DCLRE1A: variants seen among roughly 807,000 people sequenced by gnomAD.
The protein encoded by DCLRE1A is DNA cross-link repair 1A protein.
A neutral mutation model predicts 91.9 loss-of-function variants in DCLRE1A; 64 were observed. That is an observed-to-expected ratio of 0.70 (90% CI 0.57 to 0.86). The LOEUF (loss-of-function observed/expected upper bound fraction) is 0.86, where lower values mean the gene tolerates loss of function less well. Ranked by LOEUF, DCLRE1A falls within the 40% of genes least tolerant of loss-of-function variation. DCLRE1A has a pLI of 0.00. For missense variants in DCLRE1A, 1,145 were observed against 1,213.3 expected, an observed-to-expected ratio of 0.94 and a Z score of 0.84; for synonymous variants, 416 against 431.1, an observed-to-expected ratio of 0.96 and a Z score of 0.43.
chr10:113,844,265 A>C, intron 4 of DCLRE1A, 21 bp from the exon 5 acceptor site: 1 of 1,613,320 alleles, frequency 6.2e-7, no homozygotes, highest in East Asian at 2.2e-5. Context: ...ATGTCAAAGG[A>C]ATGTTCATAA....
chr10:113,848,096 G>C (rs992166139), intron 2 of DCLRE1A, among the ~76,000 whole-genome samples: 1 of 152,106 alleles, frequency 6.6e-6, no homozygotes, highest in African/African-American at 2.4e-5. Context: ...GGCGGATCAC[G>C]AAGTCAGGAG....
rs780936230 is a variant in DCLRE1A at position 113,849,053 on chromosome 10, G to C, written c.2052C>G (p.Asn684Lys). 4 of 1,613,848 alleles carry C rather than the reference G, an allele frequency of 2.5e-6. No individual in the cohort carries two copies. Among genetic ancestry groups the C allele is most frequent in the East Asian group, 4.5e-5 (2 of 44,878 alleles). ...KSAHGGLQRGNKKIPESSNVG... is the reference protein window; with the variant it reads ...KSAHGGLQRGKKKIPESSNVG... ...CATTAGATGACTCTGGGATTTTCTT[G>C]TTGCCCCTTTGCAGCCCACCATGAG... Residue 684 changes from asparagine (N) to lysine (K), a missense_variant, in exon 2 of 9, where the codon AAC becomes AAG. Coordinates refer to ENST00000361384, the MANE Select transcript of DCLRE1A (RefSeq NM_014881.5).
intron 5 of DCLRE1A, among the ~76,000 whole-genome samples, chr10:113,843,796 G>A (rs1375465908): frequency 6.6e-6 from 1 of 152,170 alleles, no homozygotes; most frequent in African/African-American, 2.4e-5. Flanking sequence ...CAGTTACTCT[G>A]AAAGGACAAC....
At chr10:113,835,432 A>G (rs1845346795) in intron 8 of DCLRE1A, 120 bp from the exon 9 acceptor site, 1 of 984,596 alleles carries the variant, frequency 1.0e-6, no homozygotes, top group Non-Finnish European at 1.4e-6. Context: ...TTTGTCAAAA[A>G]CCCCTCAGTG....
chr10:113,849,230 T>C lies in DCLRE1A; in HGVS notation c.1875A>G (p.Glu625=). 1 of 1,614,150 alleles carries C rather than the reference T, an allele frequency of 6.2e-7. No homozygotes were observed. Among genetic ancestry groups the C allele is most frequent in the South Asian group, 1.1e-5 (1 of 91,068 alleles). The change falls in exon 2 of 9, where the codon GAA becomes GAG. Residue 625 remains glutamate (E), a synonymous_variant. Transcript: ENST00000361384. ...GACGCTGTGACCTCTCACTAGAAAG[T>C]TCCACAGAAAGCTGACTCTCATGTA... The part of the protein sequence containing the change: ...STLHESQLSV[E]LSSERSQRQK...
Position 113,840,596 on chromosome 10 carries a change from G to A in DCLRE1A, c.2820+810C>T, listed in dbSNP as rs571056582. ...TTAAAACATAAAAATCCTCATCTCT[G>A]ATGGCTAACAGACAAGCAACCCTCC... is the stretch of plus-strand genomic sequence containing the variant. On this transcript the variant is annotated intron_variant, in intron 7 of 8. Coordinates refer to ENST00000361384, the MANE Select transcript of DCLRE1A (RefSeq NM_014881.5). Among the ~76,000 whole-genome samples the A allele has an allele frequency of 1.2e-4, 18 of 152,204 alleles. No individual in the cohort carries two copies. In the South Asian group the frequency reaches 3.7e-3, roughly 32 times the overall value.
Position 113,849,732 on chromosome 10 carries a change from A to G in DCLRE1A, c.1373T>C (p.Leu458Pro). The change falls in exon 2 of 9, where the codon CTT becomes CCT. Residue 458 changes from leucine (L) to proline (P), a missense_variant. Leu to Pro is a moderately conservative substitution (Grantham distance 98). Coordinates refer to ENST00000361384, the MANE Select transcript of DCLRE1A (RefSeq NM_014881.5). ...CAACATTAAACTCTTAACTAACGGA[A>G]GAGAAACTTGATTGTAAACAGATGA... is the stretch of plus-strand genomic sequence containing the variant. ...EESSVYNQVS[L>P]PLVKSLMLKP... 6.2e-7 allele frequency: 1 copy of G among 1,614,184 alleles called. No individual in the cohort carries two copies. Among genetic ancestry groups the G allele is most frequent in the South Asian group, 1.1e-5 (1 of 91,080 alleles).
chr10:113,836,939 A>G (rs1266989829), intron 8 of DCLRE1A, 123 bp downstream of exon 8: 2 of 871,428 alleles, frequency 2.3e-6, no homozygotes. Context: ...TAGAGAGATG[A>G]AAACTCTTGA....
At chr10:113,843,621 C>T (rs1241689880) in intron 5 of DCLRE1A, among the ~76,000 whole-genome samples, 1 of 152,176 alleles carries the variant, frequency 6.6e-6, no homozygotes, top group African/African-American at 2.4e-5. Context: ...GAAATACATA[C>T]ACAGTTAAAA....
intron 4 of DCLRE1A, among the ~76,000 whole-genome samples, chr10:113,845,090 C>G (rs1845511355): frequency 6.6e-6 from 1 of 151,924 alleles, no homozygotes; most frequent in Non-Finnish European, 1.5e-5. Flanking sequence ...TCTATGACCT[C>G]TATGTTACAG....
rs559239133 is a variant in DCLRE1A, at chr10:113,840,526, T to A, written c.2820+880A>T. Among the ~76,000 whole-genome samples, 20 of 152,166 alleles carry A rather than the reference T, an allele frequency of 1.3e-4. No individual in the cohort carries two copies. In the South Asian group the frequency reaches 3.9e-3, roughly 30 times the overall value. ...CTATTTTTCAGATCTTGCTCAGAAA[T>A]CTTACTTCATCAATTATTCTCTTAT... On this transcript the variant is annotated intron_variant, in intron 7 of 8. Coordinates refer to ENST00000361384, the MANE Select transcript of DCLRE1A (RefSeq NM_014881.5).
Position 113,844,139 on chromosome 10 carries a change from C to A in DCLRE1A, c.2484G>T (p.Ala828=). ...AGTACAGCATATGGACTTTCTGGTC[C>A]GCAAGAAGAGAACGTTCCATGCTGG... ...ADPSMERSLL[A]DQKVHMLYLD... The change falls in exon 5 of 9, where the codon GCG becomes GCT. Residue 828 remains alanine (A), a synonymous_variant. Transcript: ENST00000361384. 1 of 1,614,116 alleles carries A rather than the reference C, an allele frequency of 6.2e-7. No individual in the cohort carries two copies.
intron 4 of DCLRE1A, 73 bp from the exon 5 acceptor site, chr10:113,844,317 A>C: frequency 1.3e-6 from 2 of 1,571,516 alleles, no homozygotes; most frequent in Non-Finnish European, 1.7e-6. Context: ...TTTCAATATC[A>C]ACAAGTTAGC....
chr10:113,852,418 T>C (rs891904525), intron 1 of DCLRE1A, among the ~76,000 whole-genome samples: 20 of 152,228 alleles, frequency 1.3e-4, no homozygotes, highest in African/African-American at 4.3e-4. Flanking sequence ...CTACCTTATA[T>C]GGTGATTGTG....
At position 113,849,730 on chromosome 10, in the gene DCLRE1A, G is replaced by T; in HGVS notation, c.1375C>A (p.Pro459Thr). Residue 459 changes from proline to threonine, a missense_variant, in exon 2 of 9, where the codon CCG becomes ACG. By Grantham distance (38) the Pro-to-Thr change is conservative (BLOSUM62 -1). Transcript: ENST00000361384. ...ESSVYNQVSLPLVKSLMLKPF... is the reference protein window; with the variant it reads ...ESSVYNQVSLTLVKSLMLKPF... ...TTCAACATTAAACTCTTAACTAACG[G>T]AAGAGAAACTTGATTGTAAACAGAT... 2 of 1,614,118 alleles carry T rather than the reference G, an allele frequency of 1.2e-6. No individual in the cohort carries two copies. Among genetic ancestry groups the T allele is most frequent in the Non-Finnish European group, 1.7e-6 (2 of 1,180,032 alleles).
chr10:113,847,266 T>G lies in DCLRE1A; in HGVS notation c.2195A>C (p.His732Pro). 6.2e-7 allele frequency: 1 copy of G among 1,613,862 alleles called. No individual in the cohort carries two copies. The highest frequency in any genetic ancestry group is 1.6e-4 in the Middle Eastern group (1 of 6,062). The change falls in exon 3 of 9, where the codon CAT becomes CCT. Residue 732 changes from histidine (H) to proline (P), a missense_variant. By Grantham distance (77) the His-to-Pro change is moderately conservative. Transcript: ENST00000361384. ...VEGCTAYFLTHFHSDHYAGLS... is the reference protein window; with the variant it reads ...VEGCTAYFLTPFHSDHYAGLS... Reference sequence around the variant, plus strand: ...TCCAGCATAATGATCAGAATGAAAATGTGTGAGAAAATAGGCTGTGCAACC... The same window carrying G: ...TCCAGCATAATGATCAGAATGAAAAGGTGTGAGAAAATAGGCTGTGCAACC...
At chr10:113,842,262 G>A in intron 6 of DCLRE1A, 81 bp downstream of exon 6, 1 of 1,192,058 alleles carries the variant, frequency 8.4e-7, no homozygotes, top group Non-Finnish European at 1.1e-6. Flanking sequence ...AAATGCAAGA[G>A]TAGAAACTGA....
At position 113,835,257 on chromosome 10, in the gene DCLRE1A, C is replaced by T; in HGVS notation, c.3018G>A (p.Trp1006Ter). The T allele has an allele frequency of 6.2e-7, 1 of 1,614,080 alleles. No individual in the cohort carries two copies. Among genetic ancestry groups the T allele is most frequent in the South Asian group, 1.1e-5 (1 of 91,066 alleles). Residue 1006 changes from tryptophan to a stop codon, truncating the protein, a stop_gained, in exon 9 of 9, where the codon TGG becomes TGA. Coordinates refer to ENST00000361384, the MANE Select transcript of DCLRE1A (RefSeq NM_014881.5). LOFTEE classifies it high-confidence loss of function. ...SYLEMKRFVQ[W>*]LKPQKIIPTV... ...TAGGTATGATTTTCTGGGGCTTCAG[C>T]CACTGGACAAAGCGCTTCATTTCTA... is the stretch of plus-strand genomic sequence containing the variant.
rs1244710747 is a variant in DCLRE1A at position 113,852,805 on chromosome 10, C to G, written c.378G>C (p.Gln126His). The G allele has an allele frequency of 6.2e-7, 1 of 1,614,200 alleles. No homozygotes were observed. Among genetic ancestry groups the G allele is most frequent in the East Asian group, 2.2e-5 (1 of 44,880 alleles). ...PVYDGYCPNC[Q>H]MPFSSLIGQT... ...GCCCTATCAATGAGGAAAAAGGCAT[C>G]TGGCAATTTGGACAGTATCCATCAT... is the stretch of plus-strand genomic sequence containing the variant. Residue 126 changes from glutamine to histidine, a missense_variant, in exon 1 of 9, where the codon CAG becomes CAC. Coordinates refer to ENST00000361384, the MANE Select transcript of DCLRE1A (RefSeq NM_014881.5).
Sources: allele counts gnomAD v4.1 joint callset (sites outside exome capture counted in the v4.1 genomes callset), GRCh38; gene constraint gnomAD v4.1.1; transcripts MANE v1.5; gene names NCBI Gene and HGNC (gene_info 2026-07-23, HGNC 2026-07-21).